HUWE1: variants seen among roughly 807,000 people sequenced by gnomAD.
HUWE1 encodes E3 ubiquitin-protein ligase HUWE1.
HUWE1 carries 18 observed loss-of-function variants against 299.4 expected under a neutral mutation model. That is an observed-to-expected ratio of 0.06 (90% CI 0.04 to 0.09). HUWE1 has a LOEUF of 0.09. Among genes scored for constraint, HUWE1 ranks in the 10% least tolerant of loss-of-function variants. HUWE1 has a pLI of 1.00. For synonymous variants in HUWE1, 1,317 were observed against 1,286.1 expected (o/e 1.02, Z -0.51); for missense variants, 1,832 against 3,462.3 (o/e 0.53, Z 11.82).
intron 19 of HUWE1, among the ~76,000 whole-genome samples, chrX:53,618,343 A>C (rs1375399409): frequency 9.0e-6 from 1 of 111,003 alleles, no homozygotes; most frequent in Non-Finnish European, 1.9e-5. Flanking sequence ...CAGAAAAAAA[A>C]AATTTATTCT....
At chrX:53,621,892 A>AG (rs1163559663) in intron 19 of HUWE1, among the ~76,000 whole-genome samples, 1 of 112,350 alleles carries the variant, frequency 8.9e-6, no homozygotes, top group Non-Finnish European at 1.9e-5. Flanking sequence ...GTCAATCATA[A>AG]GCATGATGAC....
chrX:53,568,621 A>T, intron 49 of HUWE1, 71 bp downstream of exon 49: 1 of 1,043,490 alleles, frequency 9.6e-7, no homozygotes, highest in Middle Eastern at 2.8e-4. Flanking sequence ...CCACTACACC[A>T]GCTACCTCCA....
intron 5 of HUWE1, 93 bp downstream of exon 5, chrX:53,648,119 T>C (rs1251728890): frequency 1.7e-6 from 1 of 587,764 alleles, no homozygotes; most frequent in African/African-American, 2.2e-5. Context: ...TGAATGAGGC[T>C]ATCCCATTGT....
At chrX:53,575,046 G>A (rs111414735) in intron 46 of HUWE1, 109 bp downstream of exon 46, 52 of 575,510 alleles carry the variant, frequency 9.0e-5, no homozygotes, top group Admixed American at 2.7e-4. Flanking sequence ...ACCAGTAAAC[G>A]TAATAATTAA....
chrX:53,565,384 A>G, intron 49 of HUWE1, 145 bp from the exon 50 acceptor site: 1 of 528,158 alleles, frequency 1.9e-6, no homozygotes, highest in Non-Finnish European at 2.9e-6. Context: ...TTTTGTTTAG[A>G]AAAAAAAAAT....
chrX:53,610,979 GATCA>G (rs1320126483), intron 23 of HUWE1, among the ~76,000 whole-genome samples: 1 of 110,187 alleles, frequency 9.1e-6, no homozygotes, highest in East Asian at 2.8e-4. Flanking sequence ...GATTTTCTGA[GATCA>G]AACAATTCAG....
At chrX:53,630,657 C>G (rs1473267161) in intron 12 of HUWE1, among the ~76,000 whole-genome samples, 1 of 107,116 alleles carries the variant, frequency 9.3e-6, no homozygotes, top group Non-Finnish European at 1.9e-5. Flanking sequence ...TGAACGATAG[C>G]TACAAGCATA....
intron 7 of HUWE1, 100 bp from the exon 8 acceptor site, chrX:53,634,398 T>G: frequency 1.7e-6 from 1 of 580,388 alleles, no homozygotes; most frequent in East Asian, 3.4e-5. Context: ...TCTCTCTTTC[T>G]CTCTATGTAT....
At chrX:53,626,189 G>C (rs1331286965) in intron 17 of HUWE1, among the ~76,000 whole-genome samples, 2 of 105,395 alleles carry the variant, frequency 1.9e-5, no homozygotes, top group East Asian at 6.0e-4. Context: ...ATCACTAGTT[G>C]CATGTATTAA....
rs782281152 is a variant in HUWE1 at position 53,618,634 on chromosome X, G to A, written c.1673-1188C>T. Among the ~76,000 whole-genome samples the A allele has an allele frequency of 1.7e-4, 18 of 105,191 alleles. No homozygotes were observed. In the South Asian group the frequency reaches 6.5e-3, roughly 38 times the overall value. 91.3% of individuals were successfully genotyped at this position (105,191 alleles called of 115,157 possible). ...GGCTGGAGTACAGTGGTGCAATCTC[G>A]GCTCACTGCAGCCTCCACCTCCTGG... On this transcript the variant is annotated intron_variant, in intron 19 of 83. Coordinates refer to ENST00000262854, the MANE Select transcript of HUWE1 (RefSeq NM_031407.7).
At chrX:53,542,839 C>A in intron 73 of HUWE1, 4 of 258,029 alleles carry the variant, frequency 1.6e-5, no homozygotes, top group East Asian at 8.2e-5. Flanking sequence ...TTCAAGTCTT[C>A]TTCTGTTGTG....
Position 53,566,133 on chromosome X carries a change from G to GTATATATATA in HUWE1, c.6708-904_6708-895dup, listed in dbSNP as rs71830310. On this transcript the variant is annotated intron_variant, in intron 49 of 83. Coordinates refer to ENST00000262854, the MANE Select transcript of HUWE1 (RefSeq NM_031407.7). ...TATGTATGTATGTGTGTGTGTGTGTGTATATATATATATATATATATATAT... is the reference window on the plus strand; with the variant it reads ...TATGTATGTATGTGTGTGTGTGTGTGTATATATATATATATATATATATATATATATATAT... 1.9e-3 allele frequency among the ~76,000 whole-genome samples: 73 copies of GTATATATATA among 38,966 alleles called. 2 individuals carry two copies. Among genetic ancestry groups the GTATATATATA allele is most frequent in the African/African-American group, 6.0e-3 (62 of 10,341 alleles). The allele number at this position is 38,966 out of a possible 115,157, so 33.8% of individuals were successfully genotyped here.
intron 19 of HUWE1, among the ~76,000 whole-genome samples, chrX:53,620,251 A>ATTTT (rs200512159): frequency 4.7e-5 from 4 of 84,331 alleles, no homozygotes; most frequent in Non-Finnish European, 7.5e-5. Flanking sequence ...TGGAGCTTCC[A>ATTTT]TTTGTCTTTT....
chrX:53,539,172 A>G lies in HUWE1; in HGVS notation c.11633-92T>C, dbSNP rs985390244. 5.6e-5 allele frequency: 54 copies of G among 967,079 alleles called. No homozygotes were observed. In the African/African-American group the frequency reaches 8.6e-4, roughly 15 times the overall value. 79.7% of individuals were successfully genotyped at this position (967,079 alleles called of 1,213,427 possible). A position where few individuals can be genotyped will look rare whatever the true frequency, so the allele number is the denominator to read the frequency against. On this transcript the variant is annotated intron_variant, in intron 75 of 83. Transcript: ENST00000262854. The stretch of plus-strand genomic sequence containing the variant: ...CATCATAAACAAATTATAAAAATAA[A>G]TAAGGAAGAAGAAATAGTGAAAACT...
chrX:53,627,957 T>C (rs2066625213), intron 15 of HUWE1, 78 bp from the exon 16 acceptor site: 5 of 958,637 alleles, frequency 5.2e-6, no homozygotes. Context: ...TTTGTATACA[T>C]GTAGTCTGGG....
intron 63 of HUWE1, 88 bp from the exon 64 acceptor site, chrX:53,551,568 G>A (rs191551356): frequency 6.8e-4 from 577 of 849,798 alleles, no homozygotes; most frequent in Non-Finnish European, 8.9e-4. Context: ...CTGGAGTGTA[G>A]TGGTGCAACC....
At position 53,532,275 on chromosome X, in the gene HUWE1, A is replaced by G. The variant is rs1355124656; in HGVS notation, c.*1034T>C. On this transcript the variant is annotated 3_prime_UTR_variant, in exon 84 of 84. Transcript: ENST00000262854. ...GAGAGAGGGAGTGACGACAACAAAAATAGACAAACAAAAATAATGGTCTTC... is the reference window on the plus strand; with the variant it reads ...GAGAGAGGGAGTGACGACAACAAAAGTAGACAAACAAAAATAATGGTCTTC... 2 of 111,795 alleles carry G rather than the reference A, an allele frequency of 1.8e-5. No individual in the cohort carries two copies. The highest frequency in any genetic ancestry group is 6.5e-5 in the African/African-American group (2 of 30,759). The allele number at this position is 111,795 out of a possible 1,213,427, so 9.2% of individuals were successfully genotyped here.
In HUWE1 at chrX:53,536,565, C is replaced by T; in HGVS notation, c.12240G>A (p.Leu4080=). The change falls in exon 79 of 84, where the codon TTG becomes TTA. Residue 4080 remains leucine (L), a synonymous_variant. Coordinates refer to ENST00000262854, the MANE Select transcript of HUWE1 (RefSeq NM_031407.7). ...CTCGATCACCAGGTGAGGTACGGAA[C>T]AAGGCATACATAGGGTTAAACATCT... ...SREMFNPMYA[L]FRTSPGDRVT... 1 of 1,210,904 alleles carries T rather than the reference C, an allele frequency of 8.3e-7. No individual in the cohort carries two copies. Among genetic ancestry groups the T allele is most frequent in the South Asian group, 1.8e-5 (1 of 56,983 alleles).
intron 3 of HUWE1, among the ~76,000 whole-genome samples, chrX:53,654,798 A>C (rs973768213): frequency 2.0e-4 from 23 of 112,510 alleles, no homozygotes; most frequent in Non-Finnish European, 3.9e-4. Context: ...TAGAGGTGCT[A>C]GGCATCAGAA....
Sources: gnomAD v4.1 joint callset for allele counts (sites outside exome capture counted in the v4.1 genomes callset) on GRCh38, gnomAD v4.1.1 for gene constraint, MANE v1.5 for transcripts, NCBI Gene and HGNC (gene_info 2026-07-23, HGNC 2026-07-21) for gene names.